RYR2: variants seen among roughly 807,000 people sequenced by gnomAD.
RYR2 encodes ryanodine receptor 2, also known as cardiac muscle ryanodine receptor-calcium release channel.
RYR2 carries 227 observed loss-of-function variants against 601.1 expected under a neutral mutation model. The observed-to-expected ratio is 0.38, with a 90% CI of 0.34 to 0.42. The LOEUF (loss-of-function observed/expected upper bound fraction) is 0.42, where lower values mean the gene tolerates loss of function less well. Among genes scored for constraint, RYR2 ranks in the 10% least tolerant of loss-of-function variants. The pLI is 1.00. For missense variants in RYR2, 4,646 were observed against 6,156.5 expected, an observed-to-expected ratio of 0.75 and a Z score of 8.21; for synonymous variants, 2,223 against 2,175.1, an observed-to-expected ratio of 1.02 and a Z score of -0.61.
At chr1:237,681,667 A>G (rs1164609961) in intron 62 of RYR2, among the ~76,000 whole-genome samples, 1 of 152,198 alleles carries the variant, frequency 6.6e-6, no homozygotes, top group Non-Finnish European at 1.5e-5. Flanking sequence ...CCACATGGAG[A>G]GAGGCAATGC....
At chr1:237,508,821 C>G (rs10925433) in intron 23 of RYR2, among the ~76,000 whole-genome samples, 46 of 136,578 alleles carry the variant, frequency 3.4e-4, no homozygotes, top group African/African-American at 1.1e-3. Context: ...CGGCTCACTG[C>G]AAGCTCCGCC....
chr1:237,617,546 C>G (rs1678609787), intron 38 of RYR2, 60 bp downstream of exon 38: 2 of 1,511,700 alleles, frequency 1.3e-6, no homozygotes, highest in African/African-American at 1.4e-5. Flanking sequence ...TTCAGGATCT[C>G]TGCCTTGCAA....
In RYR2 at chr1:237,627,676, T is replaced by C. The variant is rs542041297; in HGVS notation, c.6167-131T>C. On this transcript the variant is annotated intron_variant, in intron 40 of 104. Transcript: ENST00000366574. The stretch of plus-strand genomic sequence containing the variant: ...AATGAAGGTTATTTTCTTCAAAGAA[T>C]ATCTAGAGCCTTTTCAAGCCTGGTA... 1.5e-5 allele frequency: 13 copies of C among 882,940 alleles called. No homozygotes were observed. The Admixed American group carries it at 3.5e-4, about 24-fold the overall frequency. The allele number at this position is 882,940 out of a possible 1,614,324, so 54.7% of individuals were successfully genotyped here. A position where few individuals can be genotyped will look rare whatever the true frequency, so the allele number is the denominator to read the frequency against.
At chr1:237,347,533 T>G (rs952589666) in intron 3 of RYR2, among the ~76,000 whole-genome samples, 2 of 152,168 alleles carry the variant, frequency 1.3e-5, no homozygotes, top group African/African-American at 4.8e-5. Flanking sequence ...TTTGACGACA[T>G]ACTTAACAAA....
intron 1 of RYR2, among the ~76,000 whole-genome samples, chr1:237,220,194 T>C (rs1222667272): frequency 6.6e-6 from 1 of 152,136 alleles, no homozygotes; most frequent in Admixed American, 6.5e-5. Flanking sequence ...ATGTGCATGG[T>C]GGGCACCATC....
chr1:237,549,984 C>G (rs1670219443), intron 26 of RYR2, among the ~76,000 whole-genome samples: 2 of 152,180 alleles, frequency 1.3e-5, no homozygotes, highest in African/African-American at 4.8e-5. Flanking sequence ...GTACAATAGA[C>G]AAGTTATGGG....
intron 7 of RYR2, among the ~76,000 whole-genome samples, chr1:237,375,142 G>A (rs757597296): frequency 3.3e-5 from 5 of 152,154 alleles, no homozygotes; most frequent in Non-Finnish European, 5.9e-5. Flanking sequence ...ATGTTTTTAA[G>A]TCTGAAAATA....
At chr1:237,199,888 A>T (rs1329539517) in intron 1 of RYR2, among the ~76,000 whole-genome samples, 2 of 152,220 alleles carry the variant, frequency 1.3e-5, no homozygotes, top group Admixed American at 1.3e-4. Flanking sequence ...ATCTACACTG[A>T]TATTAAATAA....
chr1:237,733,640 A>G, intron 78 of RYR2, 65 bp from the exon 79 acceptor site: 1 of 1,003,176 alleles, frequency 1.0e-6, no homozygotes, highest in Non-Finnish European at 1.6e-6. Context: ...TTAAGCAGCG[A>G]TGATACGTGT....
chr1:237,150,445 T>A (rs1674580266), intron 1 of RYR2, among the ~76,000 whole-genome samples: 1 of 152,188 alleles, frequency 6.6e-6, no homozygotes, highest in Admixed American at 6.6e-5. Context: ...ATGGAATCTT[T>A]TCTGTTTTTG....
chr1:237,355,220 A>G (rs1426092715), intron 3 of RYR2, among the ~76,000 whole-genome samples: 2 of 152,128 alleles, frequency 1.3e-5, no homozygotes, highest in African/African-American at 4.8e-5. Flanking sequence ...AGTTAAGGAA[A>G]CTTACCTTTG....
At chr1:237,722,597 C>T (rs1689836068) in intron 73 of RYR2, among the ~76,000 whole-genome samples, 1 of 151,954 alleles carries the variant, frequency 6.6e-6, no homozygotes, top group Non-Finnish European at 1.5e-5. Context: ...CCACGCCTGG[C>T]TAATTTTTTG....
intron 3 of RYR2, among the ~76,000 whole-genome samples, chr1:237,346,367 C>CAAA (rs397975831): frequency 4.8e-4 from 30 of 62,354 alleles, no homozygotes; most frequent in African/African-American, 1.6e-3. Context: ...GGGTCTACCT[C>CAAA]AAAAAAAAAA....
chr1:237,163,863 C>T (rs943649025), intron 1 of RYR2, among the ~76,000 whole-genome samples: 2 of 152,362 alleles, frequency 1.3e-5, no homozygotes, highest in Admixed American at 6.5e-5. Context: ...ACCGCCAAGG[C>T]GGTCTCCGGG....
At chr1:237,807,638 C>T (rs1660788280) in intron 99 of RYR2, among the ~76,000 whole-genome samples, 1 of 152,152 alleles carries the variant, frequency 6.6e-6, no homozygotes, top group African/African-American at 2.4e-5. Context: ...AGGCATGAGC[C>T]ACCCCACCTG....
intron 1 of RYR2, among the ~76,000 whole-genome samples, chr1:237,087,695 G>A (rs185595544): frequency 1.3e-5 from 2 of 152,278 alleles, no homozygotes; most frequent in East Asian, 1.9e-4. Context: ...AATTTGAGAT[G>A]TTGGCAGAAT....
chr1:237,815,690 A>G (rs1194179515), intron 100 of RYR2, among the ~76,000 whole-genome samples: 4 of 152,248 alleles, frequency 2.6e-5, no homozygotes, highest in East Asian at 1.9e-4. Flanking sequence ...ATCTGCAAAG[A>G]AGGAGACATT....
chr1:237,725,523 G>C (rs571348821), intron 74 of RYR2, among the ~76,000 whole-genome samples: 31 of 152,162 alleles, frequency 2.0e-4, no homozygotes, highest in Admixed American at 5.2e-4. Flanking sequence ...TGTATATCTG[G>C]TAAGTTTTCT....
intron 11 of RYR2, among the ~76,000 whole-genome samples, chr1:237,420,277 G>A (rs1705423405): frequency 6.6e-6 from 1 of 152,096 alleles, no homozygotes; most frequent in Non-Finnish European, 1.5e-5. Context: ...AATACTCATG[G>A]AAATAAAAAC....
Sources: allele counts gnomAD v4.1 joint callset (sites outside exome capture counted in the v4.1 genomes callset), GRCh38; gene constraint gnomAD v4.1.1; transcripts MANE v1.5; gene names NCBI Gene and HGNC (gene_info 2026-07-23, HGNC 2026-07-21).